ESR1: variants seen among roughly 807,000 people sequenced by gnomAD.
ESR1 encodes the protein estrogen receptor 1.
A neutral mutation model predicts 52.7 loss-of-function variants in ESR1; 12 were observed. The ratio of observed to expected loss-of-function variants is 0.23; its 90% CI spans 0.15 to 0.37. The LOEUF (loss-of-function observed/expected upper bound fraction) is 0.37. Among genes scored for constraint, ESR1 ranks in the 10% least tolerant of loss-of-function variants. ESR1 has a pLI of 1.00. For synonymous variants in ESR1, 305 were observed against 316.8 expected, an observed-to-expected ratio of 0.96 and a Z score of 0.39; for missense variants, 584 against 779.7, an observed-to-expected ratio of 0.75 and a Z score of 2.99.
intron 1 of ESR1, among the ~76,000 whole-genome samples, chr6:151,676,247 A>G (rs890713719): frequency 6.6e-6 from 1 of 152,184 alleles, no homozygotes; most frequent in African/African-American, 2.4e-5. Context: ...TCGGTGAGCC[A>G]GGTCCATACT....
intron 5 of ESR1, among the ~76,000 whole-genome samples, chr6:152,013,116 G>T (rs2042911394): frequency 6.6e-6 from 1 of 152,148 alleles, no homozygotes; most frequent in Non-Finnish European, 1.5e-5. Context: ...CCTTAGAACT[G>T]TACTCACAAT....
chr6:151,681,432 CA>C (rs1778456432), intron 1 of ESR1, among the ~76,000 whole-genome samples: 1 of 150,286 alleles, frequency 6.7e-6, no homozygotes, highest in Non-Finnish European at 1.5e-5. Flanking sequence ...GGGGGAGGCT[CA>C]GGGGGAGCTG....
At chr6:151,785,620 A>G (rs1164421408) in intron 2 of ESR1, among the ~76,000 whole-genome samples, 1 of 152,210 alleles carries the variant, frequency 6.6e-6, no homozygotes, top group Non-Finnish European at 1.5e-5. Context: ...TACCGCAGGT[A>G]AAGTCTAGGT....
At chr6:151,785,700 G>C (rs571901966) in intron 2 of ESR1, among the ~76,000 whole-genome samples, 17 of 152,116 alleles carry the variant, frequency 1.1e-4, no homozygotes, top group Admixed American at 1.0e-3. Flanking sequence ...ACTCTGGGTC[G>C]TCACTCTGGG....
At chr6:152,075,538 A>C (rs1010021421) in intron 6 of ESR1, among the ~76,000 whole-genome samples, 1 of 152,192 alleles carries the variant, frequency 6.6e-6, no homozygotes, top group Non-Finnish European at 1.5e-5. Context: ...TCACTTGCCC[A>C]CTCATCTCTC....
At chr6:151,826,157 A>G (rs1470415714) in intron 1 of ESR1, among the ~76,000 whole-genome samples, 1 of 152,190 alleles carries the variant, frequency 6.6e-6, no homozygotes, top group Non-Finnish European at 1.5e-5. Flanking sequence ...CTTGCTTCGC[A>G]TAGCATGCTT....
intron 1 of ESR1, among the ~76,000 whole-genome samples, chr6:151,671,883 A>G (rs1231281780): frequency 1.3e-5 from 2 of 152,192 alleles, no homozygotes; most frequent in Middle Eastern, 3.4e-3. Flanking sequence ...TCCCAGCTAC[A>G]TGGGAGGCTG....
At chr6:151,673,163 A>G (rs1227087050) in intron 1 of ESR1, among the ~76,000 whole-genome samples, 1 of 152,130 alleles carries the variant, frequency 6.6e-6, no homozygotes, top group Non-Finnish European at 1.5e-5. Flanking sequence ...TGGATAGATG[A>G]AAAAAATTCT....
intron 2 of ESR1, among the ~76,000 whole-genome samples, chr6:151,769,174 T>C (rs930381923): frequency 2.6e-5 from 4 of 152,208 alleles, no homozygotes; most frequent in Non-Finnish European, 4.4e-5. Flanking sequence ...TCGGGAAATC[T>C]GGACTTGGAA....
intron 3 of ESR1, among the ~76,000 whole-genome samples, chr6:151,899,291 G>A (rs1310363011): frequency 2.1e-4 from 27 of 130,402 alleles, no homozygotes; most frequent in South Asian, 5.0e-4. Flanking sequence ...GCGGCTGGCC[G>A]GGCGGGGGGC....
chr6:151,930,274 C>T (rs1200369989), intron 3 of ESR1, among the ~76,000 whole-genome samples: 3 of 152,222 alleles, frequency 2.0e-5, no homozygotes, highest in African/African-American at 4.8e-5. Flanking sequence ...AGTGAGCCAC[C>T]GCACCCGGCT....
chr6:152,050,229 C>T (rs1260938930), intron 5 of ESR1, among the ~76,000 whole-genome samples: 1 of 152,172 alleles, frequency 6.6e-6, no homozygotes, highest in Non-Finnish European at 1.5e-5. Context: ...CTTCTGAGAA[C>T]TTTACATTTC....
At chr6:152,064,799 T>C (rs2047834667) in intron 6 of ESR1, among the ~76,000 whole-genome samples, 1 of 152,246 alleles carries the variant, frequency 6.6e-6, no homozygotes, top group Admixed American at 6.5e-5. Flanking sequence ...GATGCTTATT[T>C]GCTAGACATG....
At chr6:151,783,958 G>A (rs1382822746) in intron 2 of ESR1, among the ~76,000 whole-genome samples, 1 of 152,146 alleles carries the variant, frequency 6.6e-6, no homozygotes, top group Non-Finnish European at 1.5e-5. Flanking sequence ...GATTAACTTG[G>A]TATTACAGGT....
chr6:151,669,100 T>C (rs1738386), intron 1 of ESR1, among the ~76,000 whole-genome samples: 62,914 of 144,498 alleles, frequency 0.44, 14,114 homozygotes, highest in East Asian at 0.76. Flanking sequence ...GCCAGAGCCG[T>C]GCTTCGGGGC....
chr6:152,000,329 G>T (rs938666344), intron 4 of ESR1, among the ~76,000 whole-genome samples: 5 of 151,988 alleles, frequency 3.3e-5, no homozygotes, highest in African/African-American at 9.7e-5. Context: ...AAGTGGCAAA[G>T]CTGGACCTAA....
intron 3 of ESR1, among the ~76,000 whole-genome samples, chr6:151,914,675 A>G (rs1393703533): frequency 6.6e-6 from 1 of 152,190 alleles, no homozygotes; most frequent in African/African-American, 2.4e-5. Context: ...CCCTAGTGAC[A>G]TGCTTTTGGG....
Position 152,077,956 on chromosome 6 carries a change from T to C in ESR1, c.1370-16429T>C, listed in dbSNP as rs183196825. ...TTAATTCTGAAATGAGTTAAGACTT[T>C]GGGGGACTGTTGGGAAGGCATGATT... On this transcript the variant is annotated intron_variant, in intron 6 of 7. Transcript: ENST00000206249. Among the ~76,000 whole-genome samples, 143 of 152,250 alleles carry C rather than the reference T, an allele frequency of 9.4e-4. 2 individuals carry two copies. Among genetic ancestry groups the C allele is most frequent in the Non-Finnish European group, 1.0e-4 (7 of 68,008 alleles).
intron 5 of ESR1, among the ~76,000 whole-genome samples, chr6:152,013,915 G>A (rs9371237): frequency 0.021 from 3,270 of 152,138 alleles, 106 homozygotes; most frequent in East Asian, 0.13. Flanking sequence ...ATTGTTTGGT[G>A]TGTCCTCATC....
Sources: allele counts gnomAD v4.1 joint callset (sites outside exome capture counted in the v4.1 genomes callset), GRCh38; gene constraint gnomAD v4.1.1; transcripts MANE v1.5; gene names NCBI Gene and HGNC (gene_info 2026-07-23, HGNC 2026-07-21).